Variants in EPC1 observed in about 807,000 individuals in gnomAD.
EPC1 encodes the protein enhancer of polycomb 1, also known as enhancer of polycomb homolog 1.
In EPC1, 12 loss-of-function variants were observed where a neutral mutation model predicts 98.4. The observed-to-expected ratio is 0.12, with a 90% confidence interval of 0.08 to 0.20. EPC1 has a LOEUF of 0.20. EPC1 is among the 10% of genes least tolerant of loss of function. EPC1 has a pLI of 1.00. For missense variants in EPC1, 729 were observed against 990.5 expected (o/e 0.74, Z 3.54); for synonymous variants, 357 against 363.9 (o/e 0.98, Z 0.21).
intron 1 of EPC1, among the ~76,000 whole-genome samples, chr10:32,355,836 C>G (rs969077366): frequency 6.6e-6 from 1 of 152,146 alleles, no homozygotes; most frequent in Non-Finnish European, 1.5e-5. Flanking sequence ...GTCTTGAACT[C>G]CAGACCGCAG....
At position 32,336,262 on chromosome 10, in the gene EPC1, G is replaced by A. The variant is rs555481556; in HGVS notation, c.153+10501C>T. ...TTTTGTTATTTTTAGTAGAGACTGG[G>A]TTTCACCATGTTGGCCAGGCTGGTC... On this transcript the variant is annotated intron_variant, in intron 1 of 13. Transcript: ENST00000319778. Among the ~76,000 whole-genome samples, 8 of 150,686 alleles carry A rather than the reference G, an allele frequency of 5.3e-5. No homozygotes were observed. The South Asian group carries it at 1.7e-3, about 32-fold the overall frequency.
intron 1 of EPC1, among the ~76,000 whole-genome samples, chr10:32,342,631 G>A (rs1446506594): frequency 6.6e-6 from 1 of 152,162 alleles, no homozygotes; most frequent in East Asian, 1.9e-4. Context: ...GGTGACTGTA[G>A]GGTAGTATCA....
At chr10:32,293,419 T>C (rs1395620235) in intron 3 of EPC1, among the ~76,000 whole-genome samples, 173 bp downstream of exon 3, 1 of 152,108 alleles carries the variant, frequency 6.6e-6, no homozygotes, top group Non-Finnish European at 1.5e-5. Flanking sequence ...AATTTAAACA[T>C]ATTGCTCAAG....
chr10:32,293,131 A>T lies in EPC1; in HGVS notation c.523T>A (p.Tyr175Asn). Residue 175 changes from tyrosine (Y) to asparagine (N), a missense_variant, in exon 4 of 14, where the codon TAT becomes AAT. Physicochemically the swap from Tyr to Asn is moderately radical, Grantham distance 143. This residue lies in a region of EPC1 where 94 missense variants were observed against 125.1 expected (regional missense o/e 0.75). Coordinates refer to ENST00000319778, the MANE Select transcript of EPC1 (RefSeq NM_001272004.3). ...KEDDELIREVYEYWIKKRKNC... is the reference protein window; with the variant it reads ...KEDDELIREVNEYWIKKRKNC... ...TTTCTCTTTTTAATCCAATATTCAT[A>T]AACTTCTCTAATTAGTTCATCATCT... 6.2e-7 allele frequency: 1 copy of T among 1,613,488 alleles called. No homozygotes were observed. The highest frequency in any genetic ancestry group is 8.5e-7 in the Non-Finnish European group (1 of 1,179,666).
At chr10:32,281,837 T>G (rs1836425483) in intron 10 of EPC1, 1 of 152,178 alleles carries the variant, frequency 6.6e-6, no homozygotes, top group Admixed American at 6.5e-5. Flanking sequence ...GCCCAGCTAA[T>G]TTTTGTATTT....
chr10:32,333,813 C>A (rs190807042), intron 1 of EPC1, among the ~76,000 whole-genome samples: 3 of 152,226 alleles, frequency 2.0e-5, no homozygotes, highest in East Asian at 1.9e-4. Flanking sequence ...TAGTAACGGG[C>A]GTATCTCAAA....
At chr10:32,320,437 T>A (rs1034420453) in intron 1 of EPC1, among the ~76,000 whole-genome samples, 1 of 152,190 alleles carries the variant, frequency 6.6e-6, no homozygotes, top group African/African-American at 2.4e-5. Context: ...TGTGAGGAGT[T>A]CTGTGATTAA....
chr10:32,360,908 A>AAG (rs397785953), intron 1 of EPC1, among the ~76,000 whole-genome samples: 1,718 of 151,116 alleles, frequency 0.011, 39 homozygotes, highest in African/African-American at 0.04. Flanking sequence ...AAAAAAAAAA[A>AAG]GTATAGACAA....
intron 1 of EPC1, among the ~76,000 whole-genome samples, chr10:32,336,214 G>A (rs539419038): frequency 4.6e-5 from 7 of 152,014 alleles, no homozygotes; most frequent in Non-Finnish European, 1.0e-4. Context: ...GATTACAGGC[G>A]TCTGCCGCCA....
chr10:32,361,602 C>A (rs1319508234), intron 1 of EPC1, among the ~76,000 whole-genome samples: 2 of 152,130 alleles, frequency 1.3e-5, no homozygotes, highest in Non-Finnish European at 2.9e-5. Context: ...CAATTATAAC[C>A]TTTTACCCAC....
At chr10:32,347,230 G>C, upstream of EPC1, 6 of 1,219,202 alleles carry the variant, frequency 4.9e-6, no homozygotes, top group Non-Finnish European at 6.1e-6. Flanking sequence ...GGCGGGGGGA[G>C]GGAGCGCGGG....
upstream of EPC1, among the ~76,000 whole-genome samples, chr10:32,349,545 C>G (rs78896356): frequency 0.025 from 3,771 of 152,098 alleles, 156 homozygotes; most frequent in African/African-American, 0.087. Flanking sequence ...GACTCAAAGG[C>G]TGGAGTCCCA....
chr10:32,373,296 A>C (rs1839802171), intron 1 of EPC1, among the ~76,000 whole-genome samples: 1 of 152,206 alleles, frequency 6.6e-6, no homozygotes. Flanking sequence ...TTTAGGCTGC[A>C]GGCTGGAACA....
chr10:32,293,787 A>G, intron 2 of EPC1, 50 bp from the exon 3 acceptor site: 2 of 1,523,744 alleles, frequency 1.3e-6, no homozygotes, highest in Middle Eastern at 3.5e-4. Context: ...TTCACCGACA[A>G]AAACTCCACA....
At chr10:32,354,236 T>G (rs1839205630) in intron 1 of EPC1, among the ~76,000 whole-genome samples, 1 of 152,218 alleles carries the variant, frequency 6.6e-6, no homozygotes, top group Non-Finnish European at 1.5e-5. Flanking sequence ...AGTTTAACTT[T>G]ATCTTCAATA....
At chr10:32,270,841 A>G (rs1835806696) in intron 13 of EPC1, among the ~76,000 whole-genome samples, 1 of 151,084 alleles carries the variant, frequency 6.6e-6, no homozygotes, top group South Asian at 2.1e-4. Flanking sequence ...AAAAAAAAAA[A>G]AAAAAAAAGA....
chr10:32,350,563 G>C (rs1839083009), upstream of EPC1, among the ~76,000 whole-genome samples: 1 of 152,194 alleles, frequency 6.6e-6, no homozygotes, highest in African/African-American at 2.4e-5. Flanking sequence ...GGATGAGGAG[G>C]TTTATTTGGC....
intron 2 of EPC1, among the ~76,000 whole-genome samples, chr10:32,296,585 T>A (rs1036402515): frequency 6.6e-6 from 1 of 152,210 alleles, no homozygotes; most frequent in African/African-American, 2.4e-5. Flanking sequence ...TGCAAGAGGC[T>A]TTTCTTTTAT....
At chr10:32,350,634 G>C (rs555119734), upstream of EPC1, among the ~76,000 whole-genome samples, 61 of 152,282 alleles carry the variant, frequency 4.0e-4, no homozygotes, top group Non-Finnish European at 6.5e-4. Context: ...GTAAGAACTT[G>C]GGTGGATGGA....
Sources: gnomAD v4.1 joint callset for allele counts (sites outside exome capture counted in the v4.1 genomes callset) on GRCh38, gnomAD v4.1.1 for gene constraint, gnomAD v4.1.1 regional missense constraint, MANE v1.5 for transcripts, NCBI Gene and HGNC (gene_info 2026-07-23, HGNC 2026-07-21) for gene names.